The following MARCHF1 variants were observed in gnomAD, a reference collection of about 807,000 sequenced individuals.
The protein encoded by MARCHF1 is E3 ubiquitin-protein ligase MARCHF1.
Under a neutral mutation model 54.2 loss-of-function variants are expected in MARCHF1, and 40 were observed. That is an observed-to-expected ratio of 0.74 (90% CI 0.57 to 0.96). The LOEUF (loss-of-function observed/expected upper bound fraction) is 0.96, where lower values mean the gene tolerates loss of function less well. Among genes scored for constraint, MARCHF1 ranks in the 40% least tolerant of loss-of-function variants. MARCHF1 has a pLI of 0.00. For missense variants in MARCHF1, 586 were observed against 656.5 expected, an observed-to-expected ratio of 0.89 and a Z score of 1.17; for synonymous variants, 236 against 236.3, an observed-to-expected ratio of 1.00 and a Z score of 0.01.
intron 1 of MARCHF1, among the ~76,000 whole-genome samples, chr4:164,284,432 T>C (rs1045048387): frequency 5.3e-5 from 8 of 150,678 alleles, no homozygotes; most frequent in Non-Finnish European, 8.8e-5. Context: ...CGCCCTATAG[T>C]GTTTTGGTGC....
At chr4:163,932,718 AAGAC>A in intron 3 of MARCHF1, 1 of 535,924 alleles carries the variant, frequency 1.9e-6, no homozygotes, top group South Asian at 1.6e-5. Flanking sequence ...CATCGAGCAG[AAGAC>A]AGACACCTCC....
Position 163,740,515 on chromosome 4 carries a change from C to G in MARCHF1, c.112-39652G>C, listed in dbSNP as rs184955023. Reference sequence around the variant, plus strand: ...CCAATCACCACTGAGCAATAGGGTACAGGGCCAGGTGATGTCTATACATTC... The same window carrying G: ...CCAATCACCACTGAGCAATAGGGTAGAGGGCCAGGTGATGTCTATACATTC... On this transcript the variant is annotated intron_variant, in intron 4 of 9. Transcript: ENST00000514618. Among the ~76,000 whole-genome samples, 124 of 152,266 alleles carry G rather than the reference C, an allele frequency of 8.1e-4. 1 individual carries two copies. The East Asian group carries it at 0.02, about 24-fold the overall frequency.
At chr4:164,222,838 T>C (rs1732152012) in intron 1 of MARCHF1, among the ~76,000 whole-genome samples, 1 of 151,992 alleles carries the variant, frequency 6.6e-6, no homozygotes, top group African/African-American at 2.4e-5. Context: ...ATAAAGAATG[T>C]CAGTATATTA....
At chr4:164,160,851 A>C (rs1730213950) in intron 1 of MARCHF1, among the ~76,000 whole-genome samples, 1 of 152,186 alleles carries the variant, frequency 6.6e-6, no homozygotes, top group Non-Finnish European at 1.5e-5. Flanking sequence ...AAGATAACAG[A>C]AGACAGACCA....
chr4:164,192,289 A>T (rs751156547), intron 1 of MARCHF1, among the ~76,000 whole-genome samples: 1 of 152,180 alleles, frequency 6.6e-6, no homozygotes, highest in Admixed American at 6.5e-5. Flanking sequence ...AAATTCATAC[A>T]TCATTGCTTT....
intron 3 of MARCHF1, among the ~76,000 whole-genome samples, chr4:163,948,792 A>C (rs1752072691): frequency 6.6e-6 from 1 of 152,280 alleles, no homozygotes; most frequent in Admixed American, 6.5e-5. Context: ...TGGAACAATC[A>C]GCAACAACTT....
intron 1 of MARCHF1, among the ~76,000 whole-genome samples, chr4:164,273,416 C>T (rs1485609560): frequency 1.3e-5 from 2 of 151,984 alleles, no homozygotes; most frequent in Non-Finnish European, 2.9e-5. Flanking sequence ...ATTATGGGGG[C>T]TATGGGGATT....
chr4:164,219,798 T>G (rs1454105927), intron 1 of MARCHF1, among the ~76,000 whole-genome samples: 2 of 152,038 alleles, frequency 1.3e-5, no homozygotes, highest in Non-Finnish European at 2.9e-5. Flanking sequence ...ATGGGCAATA[T>G]GTCTTTTCAA....
At chr4:163,687,362 G>A (rs1744301792) in intron 5 of MARCHF1, among the ~76,000 whole-genome samples, 1 of 151,862 alleles carries the variant, frequency 6.6e-6, no homozygotes, top group South Asian at 2.1e-4. Flanking sequence ...CAAGTAGCTG[G>A]GACTACAGGT....
chr4:164,113,699 G>A (rs1003118347), intron 1 of MARCHF1, among the ~76,000 whole-genome samples: 2 of 151,958 alleles, frequency 1.3e-5, no homozygotes, highest in Admixed American at 6.6e-5. Context: ...GGGAGGGGTA[G>A]GGGGGATGTC....
intron 5 of MARCHF1, among the ~76,000 whole-genome samples, chr4:163,638,163 A>G (rs1379864192): frequency 6.6e-6 from 1 of 151,038 alleles, no homozygotes; most frequent in African/African-American, 2.4e-5. Flanking sequence ...TAGTGGGTGC[A>G]GCGCACCAGC....
chr4:164,020,656 G>T (rs774722045), intron 2 of MARCHF1, among the ~76,000 whole-genome samples: 23 of 152,178 alleles, frequency 1.5e-4, no homozygotes, highest in Non-Finnish European at 2.8e-4. Flanking sequence ...GTAGGGCTGG[G>T]TGCCATGGCT....
intron 2 of MARCHF1, among the ~76,000 whole-genome samples, chr4:164,019,337 G>A (rs1186268843): frequency 6.6e-6 from 1 of 152,026 alleles, no homozygotes; most frequent in African/African-American, 2.4e-5. Flanking sequence ...TCCCTTTTTG[G>A]TTCACTTAAT....
intron 1 of MARCHF1, among the ~76,000 whole-genome samples, chr4:164,382,493 T>C (rs892004689): frequency 6.6e-6 from 1 of 152,172 alleles, no homozygotes; most frequent in African/African-American, 2.4e-5. Context: ...TTAATATACA[T>C]TAAATTCATA....
chr4:164,149,814 G>T (rs1729883472), intron 1 of MARCHF1, among the ~76,000 whole-genome samples: 1 of 152,168 alleles, frequency 6.6e-6, no homozygotes, highest in Admixed American at 6.6e-5. Flanking sequence ...GGATTAACTT[G>T]TGAATGTCTG....
chr4:164,339,527 A>C (rs950959946), intron 1 of MARCHF1, among the ~76,000 whole-genome samples: 4 of 152,202 alleles, frequency 2.6e-5, no homozygotes, highest in African/African-American at 9.6e-5. Flanking sequence ...GAGGCAAAAA[A>C]AATTTAAAAC....
chr4:164,237,394 G>GCAAA (rs1560967403), intron 1 of MARCHF1, among the ~76,000 whole-genome samples: 1 of 151,914 alleles, frequency 6.6e-6, no homozygotes, highest in African/African-American at 2.4e-5. Context: ...GCTTGGCATT[G>GCAAA]CTCTATGCTG....
intron 3 of MARCHF1, among the ~76,000 whole-genome samples, chr4:163,979,986 T>C (rs1316169522): frequency 6.6e-6 from 1 of 152,072 alleles, no homozygotes; most frequent in East Asian, 1.9e-4. Context: ...TGTTCACTAA[T>C]GACTTTCTTC....
intron 3 of MARCHF1, among the ~76,000 whole-genome samples, chr4:163,964,930 G>T (rs985136591): frequency 2.0e-5 from 3 of 151,972 alleles, no homozygotes. Flanking sequence ...GAAATAAATA[G>T]TTGGTATCTA....
Sources: gnomAD v4.1 joint callset for allele counts (sites outside exome capture counted in the v4.1 genomes callset) on GRCh38, gnomAD v4.1.1 for gene constraint, MANE v1.5 for transcripts, NCBI Gene and HGNC (gene_info 2026-07-23, HGNC 2026-07-21) for gene names.